Variants in SLC24A2 observed in about 807,000 individuals in gnomAD.
SLC24A2 encodes the protein solute carrier family 24 member 2.
SLC24A2 carries 36 observed loss-of-function variants against 62.0 expected under a neutral mutation model. That is an observed-to-expected ratio of 0.58 (90% CI 0.44 to 0.77). SLC24A2 has a LOEUF of 0.77. SLC24A2 is among the 30% of genes least tolerant of loss of function. SLC24A2 has a pLI of 0.00. For missense variants in SLC24A2, 846 were observed against 817.9 expected, an observed-to-expected ratio of 1.03 and a Z score of -0.42; for synonymous variants, 358 against 294.0, an observed-to-expected ratio of 1.22 and a Z score of -2.23.
chr9:20,080,865 A>C, the SLC24A2 span, among the ~76,000 whole-genome samples: 402 of 152,262 alleles, frequency 2.6e-3, 1 homozygote, highest in African/African-American at 9.1e-3. Flanking sequence ...CAGCCAAAAG[A>C]CACATGAAAA....
the SLC24A2 span, among the ~76,000 whole-genome samples, chr9:19,962,411 T>C: frequency 2.6e-5 from 4 of 152,196 alleles, no homozygotes; most frequent in Admixed American, 2.6e-4. Flanking sequence ...AAGTCATTGG[T>C]AGCCTGATGG....
chr9:20,019,253 G>GAGAAAGAA, the SLC24A2 span, among the ~76,000 whole-genome samples: 19,190 of 109,232 alleles, frequency 0.18, 2,094 homozygotes, highest in Non-Finnish European at 0.2. Flanking sequence ...AAGAAGGAAA[G>GAGAAAGAA]AGAAAGAAAG....
the SLC24A2 span, among the ~76,000 whole-genome samples, chr9:20,251,872 G>T: frequency 6.6e-6 from 1 of 152,140 alleles, no homozygotes; most frequent in Non-Finnish European, 1.5e-5. Context: ...GCAGTTCCAG[G>T]TATTATAGCC....
At chr9:19,698,186 G>A (rs578073873) in intron 2 of SLC24A2, among the ~76,000 whole-genome samples, 13 of 152,176 alleles carry the variant, frequency 8.5e-5, no homozygotes, top group African/African-American at 1.7e-4. Flanking sequence ...TTTTGAGCAC[G>A]GACATGATGC....
At chr9:19,742,404 A>C (rs1261440586) in intron 2 of SLC24A2, among the ~76,000 whole-genome samples, 1 of 152,190 alleles carries the variant, frequency 6.6e-6, no homozygotes, top group Non-Finnish European at 1.5e-5. Flanking sequence ...AGAAGGTGTG[A>C]AGACCAGAAA....
At chr9:20,247,429 T>C in the SLC24A2 span, among the ~76,000 whole-genome samples, 1 of 152,088 alleles carries the variant, frequency 6.6e-6, no homozygotes, top group Non-Finnish European at 1.5e-5. Flanking sequence ...CATTAGGAGG[T>C]AGGGCCTTTG....
chr9:19,687,669 A>C (rs1190652212), intron 2 of SLC24A2, among the ~76,000 whole-genome samples: 23 of 151,972 alleles, frequency 1.5e-4, no homozygotes, highest in Admixed American at 1.5e-3. Flanking sequence ...TTTACACTTG[A>C]CTTTGGTACT....
chr9:20,096,434 T>C, the SLC24A2 span, among the ~76,000 whole-genome samples: 1 of 152,314 alleles, frequency 6.6e-6, no homozygotes, highest in East Asian at 1.9e-4. Flanking sequence ...CTGTTCTCCA[T>C]GTCAATTATC....
intron 8 of SLC24A2, among the ~76,000 whole-genome samples, chr9:19,534,238 A>C (rs895922475): frequency 6.6e-6 from 1 of 152,216 alleles, no homozygotes; most frequent in Non-Finnish European, 1.5e-5. Flanking sequence ...GTTCAAATCC[A>C]GCTTCTCTCA....
At chr9:19,529,232 A>G (rs534759924) in intron 8 of SLC24A2, among the ~76,000 whole-genome samples, 21 of 152,304 alleles carry the variant, frequency 1.4e-4, no homozygotes, top group African/African-American at 4.6e-4. Flanking sequence ...GTTGACTTGT[A>G]TGAAAGTAAT....
chr9:19,704,798 CTT>C (rs35780199), intron 2 of SLC24A2, among the ~76,000 whole-genome samples: 289 of 135,658 alleles, frequency 2.1e-3, no homozygotes, highest in African/African-American at 3.4e-3. Flanking sequence ...AAAAACCAAA[CTT>C]TTTTTTTTTT....
At chr9:20,098,323 G>A in the SLC24A2 span, among the ~76,000 whole-genome samples, 1 of 152,262 alleles carries the variant, frequency 6.6e-6, no homozygotes, top group East Asian at 1.9e-4. Flanking sequence ...AAGATGAGTG[G>A]GGAGGTCTAG....
chr9:19,918,633 T>G, the SLC24A2 span, among the ~76,000 whole-genome samples: 1 of 152,146 alleles, frequency 6.6e-6, no homozygotes, highest in African/African-American at 2.4e-5. Context: ...GTCTTGCGTG[T>G]GTTTCCCCAG....
intron 2 of SLC24A2, among the ~76,000 whole-genome samples, chr9:19,732,655 C>CCT: frequency 6.6e-6 from 1 of 152,212 alleles, no homozygotes; most frequent in Middle Eastern, 3.4e-3. Context: ...CTGAGAGCTA[C>CCT]CTCTCCCCCG....
the SLC24A2 span, among the ~76,000 whole-genome samples, chr9:20,262,120 G>C: frequency 6.6e-6 from 1 of 152,116 alleles, no homozygotes; most frequent in African/African-American, 2.4e-5. Context: ...ATAGGAAAAG[G>C]CAGCCCCAAA....
At chr9:20,054,453 A>C in the SLC24A2 span, among the ~76,000 whole-genome samples, 2 of 152,166 alleles carry the variant, frequency 1.3e-5, no homozygotes, top group African/African-American at 4.8e-5. Context: ...TGGTCTCCCA[A>C]AGTGCTGGAA....
chr9:20,236,151 T>C, the SLC24A2 span, among the ~76,000 whole-genome samples: 1 of 152,214 alleles, frequency 6.6e-6, no homozygotes, highest in Non-Finnish European at 1.5e-5. Flanking sequence ...AGATCTGCTT[T>C]CTTAGGGTAA....
chr9:20,101,290 T>C, the SLC24A2 span, among the ~76,000 whole-genome samples: 2 of 152,172 alleles, frequency 1.3e-5, no homozygotes, highest in African/African-American at 2.4e-5. Context: ...TGCATCAACA[T>C]TTTGCTGAGA....
At chr9:20,187,848 A>G in the SLC24A2 span, among the ~76,000 whole-genome samples, 1 of 152,190 alleles carries the variant, frequency 6.6e-6, no homozygotes, top group Admixed American at 6.5e-5. Context: ...GAAATGCAGA[A>G]TCTCTATGCC....
Sources: gnomAD v4.1 joint callset for allele counts (sites outside exome capture counted in the v4.1 genomes callset) on GRCh38, gnomAD v4.1.1 for gene constraint, MANE v1.5 for transcripts, NCBI Gene and HGNC (gene_info 2026-07-23, HGNC 2026-07-21) for gene names.